Variants in DLC1 observed in about 807,000 individuals in gnomAD.
DLC1 encodes DLC1 Rho GTPase activating protein, also known as rho GTPase-activating protein 7.
A neutral mutation model predicts 140.3 loss-of-function variants in DLC1; 54 were observed. The observed-to-expected ratio is 0.38, with a 90% confidence interval of 0.31 to 0.48. The LOEUF is 0.48. Ranked by LOEUF, DLC1 falls within the 20% of genes least tolerant of loss-of-function variation. The pLI is 0.96. For synonymous variants in DLC1, 986 were observed against 728.1 expected, an observed-to-expected ratio of 1.35 and a Z score of -5.70; for missense variants, 2,536 against 1,907.0, an observed-to-expected ratio of 1.33 and a Z score of -6.14.
intron 1 of DLC1, among the ~76,000 whole-genome samples, chr8:13,594,031 A>C (rs2117480742): frequency 6.6e-6 from 1 of 152,180 alleles, no homozygotes; most frequent in East Asian, 1.9e-4. Flanking sequence ...ATGGTGGTTC[A>C]TGCCTGTGGT....
At position 13,088,272 on chromosome 8, in the gene DLC1, G is replaced by A. The variant is rs568995364; in HGVS notation, c.4292+215C>T. ...TTTTTAAAATTTTTTTGTAGAGATA[G>A]GGTCTTGCTATATTACCCAGGCTGG... On this transcript the variant is annotated intron_variant, in intron 16 of 17. Transcript: ENST00000276297. Among the ~76,000 whole-genome samples, 10 of 152,218 alleles carry A rather than the reference G, an allele frequency of 6.6e-5. 1 individual carries two copies. In the South Asian group the frequency reaches 2.1e-3, roughly 32 times the overall value.
At chr8:13,453,404 G>GTATATATATATATATATGTA (rs1799169465) in intron 2 of DLC1, among the ~76,000 whole-genome samples, 1 of 22,978 alleles carries the variant, frequency 4.4e-5, no homozygotes, top group Non-Finnish European at 7.6e-5. Flanking sequence ...ATATATATGT[G>GTATATATATATATATATGTA]TATATATATA....
At chr8:13,188,454 T>C (rs1047717196) in intron 5 of DLC1, among the ~76,000 whole-genome samples, 2 of 138,884 alleles carry the variant, frequency 1.4e-5, no homozygotes, top group African/African-American at 5.2e-5. Flanking sequence ...AAAGTAATGA[T>C]AAACATGAAA....
chr8:13,439,750 A>C (rs946124239), intron 2 of DLC1, among the ~76,000 whole-genome samples: 3 of 152,144 alleles, frequency 2.0e-5, no homozygotes, highest in Non-Finnish European at 4.4e-5. Context: ...TCTCCTTCTG[A>C]GCCCTGTGAA....
intron 5 of DLC1, among the ~76,000 whole-genome samples, chr8:13,132,047 G>C (rs1296066581): frequency 6.6e-6 from 1 of 152,178 alleles, no homozygotes; most frequent in East Asian, 1.9e-4. Flanking sequence ...CTGTCGCCTT[G>C]TTACGAAAAT....
At chr8:13,538,959 T>C (rs570954965) in intron 1 of DLC1, among the ~76,000 whole-genome samples, 4 of 152,330 alleles carry the variant, frequency 2.6e-5, no homozygotes, top group East Asian at 1.9e-4. Flanking sequence ...TCTCTCACTC[T>C]TAAAATACGT....
chr8:13,341,837 G>T (rs1834068261), intron 4 of DLC1: 1 of 152,168 alleles, frequency 6.6e-6, no homozygotes, highest in East Asian at 1.9e-4. Flanking sequence ...TGTGGCCAAA[G>T]TGTAGGCGAT....
intron 1 of DLC1, among the ~76,000 whole-genome samples, chr8:13,537,715 G>T (rs900089): frequency 1 from 147,267 of 147,788 alleles, 73,375 homozygotes; most frequent in Middle Eastern, 1. Context: ...ATGCAGTGGC[G>T]CGATCTCGGC....
chr8:13,229,795 T>TA (rs1828961445), intron 5 of DLC1, among the ~76,000 whole-genome samples: 1 of 152,176 alleles, frequency 6.6e-6, no homozygotes, highest in South Asian at 2.1e-4. Flanking sequence ...AGCTGGCCCC[T>TA]AAAATCTAAC....
chr8:13,124,467 C>T (rs980523310), intron 5 of DLC1, among the ~76,000 whole-genome samples: 1 of 152,202 alleles, frequency 6.6e-6, no homozygotes, highest in Non-Finnish European at 1.5e-5. Context: ...AGGAAGTTAT[C>T]TCATGGATCA....
At chr8:13,464,054 A>T (rs1799808980) in intron 2 of DLC1, among the ~76,000 whole-genome samples, 1 of 152,254 alleles carries the variant, frequency 6.6e-6, no homozygotes, top group Non-Finnish European at 1.5e-5. Context: ...AATGCAAGAA[A>T]AAAATTGCAG....
intron 5 of DLC1, among the ~76,000 whole-genome samples, chr8:13,280,643 A>C (rs1831334516): frequency 6.6e-6 from 1 of 152,160 alleles, no homozygotes; most frequent in Admixed American, 6.6e-5. Flanking sequence ...TCTCTGATTT[A>C]ATGTTAGAGA....
At chr8:13,242,354 A>T (rs1294027423) in intron 5 of DLC1, among the ~76,000 whole-genome samples, 1 of 151,994 alleles carries the variant, frequency 6.6e-6, no homozygotes, top group Admixed American at 6.6e-5. Flanking sequence ...TGAATCCTAA[A>T]CATCAAAGGA....
At chr8:13,384,920 T>TAA (rs35846034) in intron 4 of DLC1, among the ~76,000 whole-genome samples, 9 of 150,770 alleles carry the variant, frequency 6.0e-5, no homozygotes, top group South Asian at 4.2e-4. Context: ...AGGCTGGACA[T>TAA]AAAAAAAAAA....
intron 1 of DLC1, among the ~76,000 whole-genome samples, chr8:13,529,658 A>C (rs1803033396): frequency 6.6e-6 from 1 of 152,176 alleles, no homozygotes; most frequent in Non-Finnish European, 1.5e-5. Context: ...CATTCCTTGC[A>C]ACTGAGAGAG....
At chr8:13,364,790 A>C (rs1835403224) in intron 4 of DLC1, among the ~76,000 whole-genome samples, 1 of 152,226 alleles carries the variant, frequency 6.6e-6, no homozygotes, top group Non-Finnish European at 1.5e-5. Flanking sequence ...CCCCTAACTT[A>C]GTAAAAACAT....
intron 5 of DLC1, among the ~76,000 whole-genome samples, chr8:13,200,511 G>C (rs867241787): frequency 6.6e-6 from 1 of 152,138 alleles, no homozygotes; most frequent in Non-Finnish European, 1.5e-5. Flanking sequence ...AATAAAAGTA[G>C]ACTTAAATAC....
chr8:13,188,827 G>GTATGTATATATATATATATATATGTA (rs1826561332), intron 5 of DLC1, among the ~76,000 whole-genome samples: 1 of 28,648 alleles, frequency 3.5e-5, no homozygotes, highest in Admixed American at 5.7e-4. Context: ...ATATATATAT[G>GTATGTATATATATATATATATATGTA]TATATATATA....
intron 1 of DLC1, among the ~76,000 whole-genome samples, chr8:13,557,074 G>A (rs1804074554): frequency 6.6e-6 from 1 of 152,210 alleles, no homozygotes; most frequent in Non-Finnish European, 1.5e-5. Flanking sequence ...AACTGAGTAT[G>A]AGACAGGGGA....
Sources: allele counts gnomAD v4.1 joint callset (sites outside exome capture counted in the v4.1 genomes callset), GRCh38; gene constraint gnomAD v4.1.1; transcripts MANE v1.5; gene names NCBI Gene and HGNC (gene_info 2026-07-23, HGNC 2026-07-21).